UNC79: variants seen among roughly 807,000 people sequenced by gnomAD.
The protein encoded by UNC79 is protein unc-79 homolog.
In UNC79, 37 loss-of-function variants were observed where a neutral mutation model predicts 283.1. That is an observed-to-expected ratio of 0.13 (90% CI 0.10 to 0.17). The LOEUF (loss-of-function observed/expected upper bound fraction) is 0.17, where lower values mean the gene tolerates loss of function less well. Ranked by LOEUF, UNC79 falls within the 10% of genes least tolerant of loss-of-function variation. The probability of loss-of-function intolerance (pLI) is 1.00; values close to 1 mark genes in which losing one functional copy is unlikely to be tolerated. For missense variants in UNC79, 2,272 were observed against 3,211.1 expected, an observed-to-expected ratio of 0.71 and a Z score of 7.07; for synonymous variants, 1,107 against 1,200.2, an observed-to-expected ratio of 0.92 and a Z score of 1.61.
intron 11 of UNC79, among the ~76,000 whole-genome samples, chr14:93,537,301 C>A (rs1225678704): frequency 6.6e-6 from 1 of 152,216 alleles, no homozygotes; most frequent in Non-Finnish European, 1.5e-5. Flanking sequence ...TTTCTCGTTC[C>A]CATCACTTCA....
chr14:93,333,546 C>G (rs949756549), intron 1 of UNC79: 4 of 397,598 alleles, frequency 1.0e-5, no homozygotes, highest in African/African-American at 8.2e-5. Context: ...CTGCATGGTA[C>G]TTTTACAGGC....
intron 34 of UNC79, among the ~76,000 whole-genome samples, chr14:93,644,461 C>A (rs889348792): frequency 6.6e-6 from 1 of 152,138 alleles, no homozygotes; most frequent in Non-Finnish European, 1.5e-5. Flanking sequence ...AGGCTGCAGG[C>A]GTTAGACAGA....
intron 41 of UNC79, among the ~76,000 whole-genome samples, chr14:93,681,687 A>C (rs1266104421): frequency 3.3e-5 from 5 of 152,214 alleles, no homozygotes; most frequent in Non-Finnish European, 7.3e-5. Context: ...CAAAGTTGTT[A>C]AGGCTACTGG....
chr14:93,598,132 A>G (rs917586541), intron 24 of UNC79, among the ~76,000 whole-genome samples: 10 of 152,020 alleles, frequency 6.6e-5, no homozygotes, highest in Admixed American at 5.9e-4. Context: ...GACAACAGGT[A>G]TACATCACCA....
chr14:93,516,352 A>G (rs1199778150), intron 7 of UNC79, among the ~76,000 whole-genome samples: 1 of 150,306 alleles, frequency 6.7e-6, no homozygotes, highest in Non-Finnish European at 1.5e-5. Flanking sequence ...TTGTTCTTTT[A>G]AAGAATTTTT....
chr14:93,573,468 G>A (rs1043902193), intron 16 of UNC79, among the ~76,000 whole-genome samples: 2 of 152,044 alleles, frequency 1.3e-5, no homozygotes, highest in Admixed American at 6.6e-5. Context: ...TATGGCACAC[G>A]CTTGTATTTA....
chr14:93,434,168 GT>G (rs1193247449), intron 1 of UNC79, among the ~76,000 whole-genome samples: 1 of 151,770 alleles, frequency 6.6e-6, no homozygotes, highest in Non-Finnish European at 1.5e-5. Context: ...AGTAGAGATT[GT>G]GCCATTGCAC....
intron 1 of UNC79, among the ~76,000 whole-genome samples, chr14:93,359,090 G>C (rs1478526694): frequency 6.6e-6 from 1 of 152,160 alleles, no homozygotes; most frequent in Non-Finnish European, 1.5e-5. Context: ...TTATTGATTT[G>C]GGCCAATAAA....
intron 41 of UNC79, among the ~76,000 whole-genome samples, chr14:93,682,087 GC>G: frequency 6.6e-6 from 1 of 152,268 alleles, no homozygotes; most frequent in South Asian, 2.1e-4. Context: ...AGTCCTCTGG[GC>G]CCCCAGAGAA....
chr14:93,483,191 C>A (rs1477316913), intron 4 of UNC79, among the ~76,000 whole-genome samples: 2 of 152,236 alleles, frequency 1.3e-5, no homozygotes, highest in Non-Finnish European at 2.9e-5. Flanking sequence ...ACAGGACCTT[C>A]CATCGCTTTC....
intron 14 of UNC79, among the ~76,000 whole-genome samples, chr14:93,560,548 G>A (rs2062480276): frequency 6.6e-6 from 1 of 152,116 alleles, no homozygotes; most frequent in African/African-American, 2.4e-5. Context: ...GAGAGCAATA[G>A]TGGAGGCAGA....
intron 30 of UNC79, among the ~76,000 whole-genome samples, chr14:93,624,100 T>C (rs1303093011): frequency 2.0e-5 from 3 of 152,134 alleles, no homozygotes; most frequent in Non-Finnish European, 4.4e-5. Context: ...ACAGAAGCAG[T>C]GCCTGATTCC....
At chr14:93,390,931 CTG>C (rs996115202) in intron 1 of UNC79, among the ~76,000 whole-genome samples, 2 of 152,086 alleles carry the variant, frequency 1.3e-5, no homozygotes, top group Non-Finnish European at 2.9e-5. Flanking sequence ...TCCATTTTTT[CTG>C]TGTTTCCTGC....
At chr14:93,537,402 T>A (rs2061144947) in intron 11 of UNC79, among the ~76,000 whole-genome samples, 1 of 152,218 alleles carries the variant, frequency 6.6e-6, no homozygotes, top group Non-Finnish European at 1.5e-5. Context: ...AGAGTGCCGG[T>A]GGGCATGGGA....
intron 1 of UNC79, among the ~76,000 whole-genome samples, chr14:93,347,734 G>A (rs902402555): frequency 1.3e-4 from 20 of 152,148 alleles, no homozygotes; most frequent in African/African-American, 4.6e-4. Context: ...ATCCTCGGAC[G>A]TCCTCGGCAC....
intron 8 of UNC79, among the ~76,000 whole-genome samples, chr14:93,527,004 A>G (rs189223411): frequency 6.6e-6 from 1 of 152,378 alleles, no homozygotes; most frequent in East Asian, 1.9e-4. Flanking sequence ...TATACCAAAT[A>G]GAAAAATATT....
chr14:93,420,207 T>A (rs2055565340), intron 1 of UNC79, among the ~76,000 whole-genome samples: 1 of 148,316 alleles, frequency 6.7e-6, no homozygotes, highest in African/African-American at 2.5e-5. Context: ...CAATGATCTG[T>A]TGTCTACAAG....
At chr14:93,533,441 A>C (rs1190214053) in intron 11 of UNC79, among the ~76,000 whole-genome samples, 1 of 152,188 alleles carries the variant, frequency 6.6e-6, no homozygotes, top group African/African-American at 2.4e-5. Context: ...AAATTACTCT[A>C]GGCTCACTCA....
chr14:93,466,817 A>G (rs2140255271), intron 1 of UNC79: 1 of 984,190 alleles, frequency 1.0e-6, no homozygotes, highest in Middle Eastern at 5.2e-4. Context: ...GGGATTTGCA[A>G]AGAGGAATGA....
Sources: gnomAD v4.1 joint callset for allele counts (sites outside exome capture counted in the v4.1 genomes callset) on GRCh38, gnomAD v4.1.1 for gene constraint, MANE v1.5 for transcripts, NCBI Gene and HGNC (gene_info 2026-07-23, HGNC 2026-07-21) for gene names.